Variants in TSHZ3 observed in about 807,000 individuals in gnomAD.
TSHZ3 encodes teashirt homolog 3.
Under a neutral mutation model 64.5 loss-of-function variants are expected in TSHZ3, and 10 were observed. The observed-to-expected ratio is 0.16, with a 90% CI of 0.10 to 0.26. The LOEUF is 0.26. Among genes scored for constraint, TSHZ3 ranks in the 10% least tolerant of loss-of-function variants. The pLI, the probability that TSHZ3 is intolerant of heterozygous loss-of-function variation, is 1.00. For synonymous variants in TSHZ3, 608 were observed against 593.1 expected (o/e 1.03, Z -0.36); for missense variants, 1,242 against 1,421.7 (o/e 0.87, Z 2.03).
intron 1 of TSHZ3, among the ~76,000 whole-genome samples, chr19:31,269,713 A>G (rs955727909): frequency 2.0e-5 from 3 of 152,232 alleles, no homozygotes; most frequent in Non-Finnish European, 4.4e-5. Context: ...TGAAAGTGAA[A>G]TGTTGAAATG....
chr19:31,215,891 T>C (rs1230952882), intron 4 of TSHZ3, among the ~76,000 whole-genome samples: 3 of 151,704 alleles, frequency 2.0e-5, no homozygotes, highest in African/African-American at 7.3e-5. Flanking sequence ...GTATTATAAT[T>C]TTTTTCTATA....
intron 3 of TSHZ3, among the ~76,000 whole-genome samples, chr19:31,239,662 G>A (rs1975663824): frequency 6.6e-6 from 1 of 151,802 alleles, no homozygotes; most frequent in African/African-American, 2.4e-5. Flanking sequence ...GCTCACTACA[G>A]CCTCGACATT....
chr19:31,189,119 CT>C (rs1427516045), intron 5 of TSHZ3, among the ~76,000 whole-genome samples: 1 of 151,700 alleles, frequency 6.6e-6, no homozygotes, highest in Non-Finnish European at 1.5e-5. Context: ...AGTGATCATC[CT>C]TTTTATTACC....
intron 4 of TSHZ3, among the ~76,000 whole-genome samples, chr19:31,209,807 C>T (rs1975238743): frequency 6.6e-6 from 1 of 152,040 alleles, no homozygotes; most frequent in Non-Finnish European, 1.5e-5. Flanking sequence ...CCCTTAGGTG[C>T]AGTGAGGGTA....
chr19:31,205,278 A>G (rs1253886482), intron 4 of TSHZ3, among the ~76,000 whole-genome samples: 1 of 152,210 alleles, frequency 6.6e-6, no homozygotes, highest in Non-Finnish European at 1.5e-5. Flanking sequence ...TTTATAATTT[A>G]TCATCTACAG....
intron 5 of TSHZ3, among the ~76,000 whole-genome samples, chr19:31,201,471 T>C (rs1975086243): frequency 6.6e-6 from 1 of 152,228 alleles, no homozygotes; most frequent in Non-Finnish European, 1.5e-5. Flanking sequence ...CAAGTTGATT[T>C]TCTTGATAAG....
chr19:31,297,480 T>C (rs1976684655), intron 1 of TSHZ3, among the ~76,000 whole-genome samples: 1 of 152,164 alleles, frequency 6.6e-6, no homozygotes, highest in South Asian at 2.1e-4. Context: ...TTTTCTAATT[T>C]TTTATTTTTT....
Position 31,279,197 on chromosome 19 carries a change from T to G in TSHZ3, c.596A>C (p.Gln199Pro). 6.2e-7 allele frequency: 1 copy of G among 1,613,916 alleles called. No individual in the cohort carries two copies. The highest frequency in any genetic ancestry group is 8.5e-7 in the Non-Finnish European group (1 of 1,179,832). The change falls in exon 2 of 2, where the codon CAG (glutamine) becomes CCG (proline). Residue 199 changes from glutamine (Q) to proline (P), a missense_variant. Physicochemically the swap from Gln to Pro is moderately conservative, Grantham distance 76. This residue lies in a region of TSHZ3 where 555 missense variants were observed against 704.0 expected (regional missense o/e 0.79). Transcript: ENST00000240587. This position sits in a 1 kb window ranked among gnomAD's most constrained non-coding sequence, Gnocchi z 6.4. ...GATGGAGCCATAGAGCTTGCTGCTC[T>G]GCCGGTACAGCTGCACGGTGCTGAA... is the stretch of plus-strand genomic sequence containing the variant. The part of the protein sequence containing the change: ...SLFSTVQLYR[Q>P]SSKLYGSIFT...
Position 31,276,210 on chromosome 19 carries a change from G to T in TSHZ3, c.*337C>A. 5.2e-6 allele frequency: 1 copy of T among 192,008 alleles called. No homozygotes were observed. The highest frequency in any genetic ancestry group is 1.1e-5 in the Non-Finnish European group (1 of 94,580). 11.9% of individuals were successfully genotyped at this position (192,008 alleles called of 1,614,324 possible). A position where few individuals can be genotyped will look rare whatever the true frequency, so the allele number is the denominator to read the frequency against. On this transcript the variant is annotated 3_prime_UTR_variant, in exon 2 of 2. Coordinates refer to ENST00000240587, the MANE Select transcript of TSHZ3 (RefSeq NM_020856.4). ...AATGCCAGCACACTCGAGTCTCGTG[G>T]AAAAGGTGTGCCTGATTCCGTTATA... is the stretch of plus-strand genomic sequence containing the variant.
At chr19:31,295,612 A>T (rs1031352312) in intron 1 of TSHZ3, among the ~76,000 whole-genome samples, 1 of 152,120 alleles carries the variant, frequency 6.6e-6, no homozygotes, top group Non-Finnish European at 1.5e-5. Flanking sequence ...TACCCTTTGG[A>T]GGTGGTGGCT....
At chr19:31,149,988 TG>T (rs1219499474) in exon 7 of TSHZ3, among the ~76,000 whole-genome samples, 1 of 152,200 alleles carries the variant, frequency 6.6e-6, no homozygotes, top group African/African-American at 2.4e-5. Context: ...AATTATAATA[TG>T]TTAATTATGT....
intron 5 of TSHZ3, among the ~76,000 whole-genome samples, chr19:31,183,294 T>A (rs1974752456): frequency 6.6e-6 from 1 of 151,438 alleles, no homozygotes; most frequent in African/African-American, 2.4e-5. Flanking sequence ...GGTGCTGTCA[T>A]AATGACACTG....
intron 3 of TSHZ3, among the ~76,000 whole-genome samples, chr19:31,241,518 C>G (rs1354157562): frequency 6.6e-6 from 1 of 152,204 alleles, no homozygotes; most frequent in Non-Finnish European, 1.5e-5. Flanking sequence ...CTCCCAACAG[C>G]TTAACTCTGG....
At chr19:31,245,070 T>C (rs1437984633) in intron 1 of TSHZ3, among the ~76,000 whole-genome samples, 6 of 152,258 alleles carry the variant, frequency 3.9e-5, no homozygotes, top group South Asian at 4.1e-4. Context: ...AGTGTTATTA[T>C]CTCTGGATGA....
At chr19:31,332,754 T>C (rs2145184398) in intron 1 of TSHZ3, among the ~76,000 whole-genome samples, 1 of 152,152 alleles carries the variant, frequency 6.6e-6, no homozygotes, top group Middle Eastern at 3.4e-3. Flanking sequence ...GCAATTACAG[T>C]GGCTAGTGCA....
chr19:31,169,275 G>T (rs184215110), intron 5 of TSHZ3, among the ~76,000 whole-genome samples: 1 of 152,218 alleles, frequency 6.6e-6, no homozygotes, highest in South Asian at 2.1e-4. Flanking sequence ...CAGCAACTCC[G>T]CTATTGGGTC....
rs533622574 is a variant in TSHZ3, at chr19:31,330,155, G to A, written c.40+19025C>T. Reference sequence around the variant, plus strand: ...TTTTAATTCATAAAAGCTGCTGTGTGATAACCAAAAGGTTGGTTTCTCTCT... The same window carrying A: ...TTTTAATTCATAAAAGCTGCTGTGTAATAACCAAAAGGTTGGTTTCTCTCT... On this transcript the variant is annotated intron_variant, in intron 1 of 1. Transcript: ENST00000240587. 2.9e-3 allele frequency among the ~76,000 whole-genome samples: 441 copies of A among 151,032 alleles called. 1 individual carries two copies. Among genetic ancestry groups the A allele is most frequent in the Non-Finnish European group, 4.5e-3 (306 of 67,884 alleles).
chr19:31,187,205 C>A (rs1353335990), intron 5 of TSHZ3, among the ~76,000 whole-genome samples: 1 of 152,132 alleles, frequency 6.6e-6, no homozygotes, highest in Non-Finnish European at 1.5e-5. Flanking sequence ...TGTTCTCTAT[C>A]ACCATATTAT....
intron 1 of TSHZ3, among the ~76,000 whole-genome samples, chr19:31,336,448 G>T (rs1247886787): frequency 6.6e-6 from 1 of 152,186 alleles, no homozygotes; most frequent in Non-Finnish European, 1.5e-5. Context: ...GATTCTCTAG[G>T]TCCTTGAGCA....
Sources: gnomAD v4.1 joint callset for allele counts (sites outside exome capture counted in the v4.1 genomes callset) on GRCh38, gnomAD v4.1.1 for gene constraint, gnomAD v4.1.1 regional missense constraint, Gnocchi (gnomAD v3.1) non-coding constraint, MANE v1.5 for transcripts, NCBI Gene and HGNC (gene_info 2026-07-23, HGNC 2026-07-21) for gene names.